Variants in ATXN3 observed in about 807,000 individuals in gnomAD.
ATXN3 encodes ataxin-3.
Under a neutral mutation model 58.2 loss-of-function variants are expected in ATXN3, and 28 were observed. The observed-to-expected ratio is 0.48, with a 90% confidence interval of 0.36 to 0.66. ATXN3 has a LOEUF of 0.66. ATXN3 is among the 30% of genes least tolerant of loss of function. ATXN3 has a pLI of 0.00. For missense variants in ATXN3, 321 were observed against 422.1 expected (o/e 0.76, Z 2.10); for synonymous variants, 113 against 138.5 (o/e 0.82, Z 1.29).
upstream of ATXN3, among the ~76,000 whole-genome samples, chr14:92,051,699 TC>T (rs1254006590): frequency 6.8e-6 from 1 of 148,086 alleles, no homozygotes; most frequent in Non-Finnish European, 1.5e-5. Flanking sequence ...GTTTCTTTTT[TC>T]TTTTCTTCTT....
rs144194306 is a variant in ATXN3 at position 92,088,260 on chromosome 14, C to G, written c.475+470G>C. ...AATTTTTTGTTATTTTTAGTAGAGA[C>G]AGGATTTCACCGTGTTAGCCAGGAT... On this transcript the variant is annotated intron_variant, in intron 6 of 10. Coordinates refer to ENST00000644486, the MANE Select transcript of ATXN3 (RefSeq NM_004993.6). Among the ~76,000 whole-genome samples the G allele has an allele frequency of 1.5e-3, 231 of 152,108 alleles. 1 individual carries two copies. The highest frequency in any genetic ancestry group is 2.1e-3 in the South Asian group (10 of 4,816).
intron 10 of ATXN3, among the ~76,000 whole-genome samples, 154 bp from the exon 11 acceptor site, chr14:92,064,568 ATATTT>A (rs1328316170): frequency 6.6e-6 from 1 of 152,200 alleles, no homozygotes; most frequent in African/African-American, 2.4e-5. Context: ...ATAGTTCTAT[ATATTT>A]TGACAAATAC....
chr14:92,100,301 A>G (rs1307532480), intron 1 of ATXN3, among the ~76,000 whole-genome samples: 1 of 152,224 alleles, frequency 6.6e-6, no homozygotes, highest in Non-Finnish European at 1.5e-5. Flanking sequence ...GCAAACATAC[A>G]TTCATCAAAA....
At chr14:92,076,868 A>T (rs1285542395) in intron 9 of ATXN3, among the ~76,000 whole-genome samples, 1 of 139,072 alleles carries the variant, frequency 7.2e-6, no homozygotes, top group African/African-American at 2.8e-5. Flanking sequence ...TAAACTCAGG[A>T]GGCGGAGGTT....
chr14:92,083,207 T>C lies in ATXN3; in HGVS notation c.527A>G (p.Gln176Arg), dbSNP rs2061779224. The C allele has an allele frequency of 1.2e-6, 2 of 1,613,788 alleles. No homozygotes were observed. Among genetic ancestry groups the C allele is most frequent in the Admixed American group, 1.7e-5 (1 of 59,942 alleles). Residue 176 changes from glutamine (Q) to arginine (R), a missense_variant, in exon 7 of 11, where the codon CAA becomes CGA. Around this residue, in one of 2 missense-constraint regions of ATXN3, gnomAD observed 200 missense variants for 223.2 expected, o/e 0.90. Coordinates refer to ENST00000644486, the MANE Select transcript of ATXN3 (RefSeq NM_004993.6). The part of the protein sequence containing the change: ...KGDLPDCEAD[Q>R]LLQMIRVQQM... The stretch of plus-strand genomic sequence containing the variant: ...TTGGACCCTAATCATCTGCAGGAGT[T>C]GGTCAGCTTCGCAATCTGGCAGATC...
chr14:92,105,925 G>A lies in ATXN3; in HGVS notation c.24+604C>T, dbSNP rs188901502. 5.9e-5 allele frequency among the ~76,000 whole-genome samples: 9 copies of A among 152,296 alleles called. No individual in the cohort carries two copies. The East Asian group carries it at 1.7e-3, about 29-fold the overall frequency. ...TCTTGTGACGACTTCCCTGTTTAGG[G>A]GCACGCCGGGTTTCCTACTTCACTT... On this transcript the variant is annotated intron_variant, in intron 1 of 10. Coordinates refer to ENST00000644486, the MANE Select transcript of ATXN3 (RefSeq NM_004993.6).
intron 10 of ATXN3, among the ~76,000 whole-genome samples, chr14:92,068,370 T>C (rs2058810871): frequency 6.6e-6 from 1 of 152,202 alleles, no homozygotes; most frequent in Non-Finnish European, 1.5e-5. Flanking sequence ...CAAGTGCTTA[T>C]TATCTAAAGG....
chr14:92,068,824 AGGTGATCCACCC>A (rs2058899963), intron 10 of ATXN3, among the ~76,000 whole-genome samples: 1 of 152,140 alleles, frequency 6.6e-6, no homozygotes, highest in Non-Finnish European at 1.5e-5. Context: ...TCCCAACCTT[AGGTGATCCACCC>A]GCCTCAGCCT....
intron 1 of ATXN3, among the ~76,000 whole-genome samples, chr14:92,105,134 A>G (rs1190176636): frequency 6.6e-6 from 1 of 152,022 alleles, no homozygotes; most frequent in African/African-American, 2.4e-5. Flanking sequence ...TGTACTTAAC[A>G]ATTTGTTCCA....
chr14:92,075,122 T>TA (rs2060111271), intron 9 of ATXN3, among the ~76,000 whole-genome samples: 1 of 151,592 alleles, frequency 6.6e-6, no homozygotes, highest in Admixed American at 6.6e-5. Context: ...AAATATTATT[T>TA]AATGACTCAT....
In ATXN3 at chr14:92,060,271, T is replaced by TATATATA. The variant is rs397970086; in HGVS notation, c.*4048_*4049insTATATAT. 1.2e-5 allele frequency: 1 copy of TATATATA among 86,570 alleles called. No individual in the cohort carries two copies. Among genetic ancestry groups the TATATATA allele is most frequent in the African/African-American group, 5.0e-5 (1 of 20,064 alleles). The allele number at this position is 86,570 out of a possible 1,614,324, so 5.4% of individuals were successfully genotyped here. ...ACACATATATATATATATATATATA[T>TATATATA]TTTTTTTTTTCAGAAACAGTGTCTC... On this transcript the variant is annotated 3_prime_UTR_variant, in exon 11 of 11. Transcript: ENST00000644486.
upstream of ATXN3, among the ~76,000 whole-genome samples, chr14:92,050,143 C>CT (rs113375315): frequency 6.8e-6 from 1 of 147,590 alleles, no homozygotes; most frequent in East Asian, 2.0e-4. Context: ...ACTTTGCTCT[C>CT]GTGTGTGTGT....
At chr14:92,089,913 A>G (rs1408143796) in intron 5 of ATXN3, among the ~76,000 whole-genome samples, 1 of 152,126 alleles carries the variant, frequency 6.6e-6, no homozygotes, top group African/African-American at 2.4e-5. Flanking sequence ...GAGAATTTAT[A>G]ATTACCAGCT....
rs1198822356 is a variant in ATXN3, at chr14:92,082,436, T to C, written c.639A>G (p.Leu213=). ...RVHKTDLERV[L]EANDGSGMLD... is the part of the protein sequence containing the mutation. Reference sequence around the variant, plus strand: ...ACATTCCTGAGCCATCATTTGCTTCTAACACTCGTTCCAGGTCTGTTTTAT... The same window carrying C: ...ACATTCCTGAGCCATCATTTGCTTCCAACACTCGTTCCAGGTCTGTTTTAT... Residue 213 remains leucine (L), a synonymous_variant, in exon 8 of 11, where the codon TTA becomes TTG. Coordinates refer to ENST00000644486, the MANE Select transcript of ATXN3 (RefSeq NM_004993.6). 12 of 1,614,034 alleles carry C rather than the reference T, an allele frequency of 7.4e-6. No individual in the cohort carries two copies. In the South Asian group the frequency reaches 1.2e-4, roughly 16 times the overall value.
intron 5 of ATXN3, among the ~76,000 whole-genome samples, chr14:92,091,541 A>G (rs946486601): frequency 6.6e-6 from 1 of 152,148 alleles, no homozygotes; most frequent in Non-Finnish European, 1.5e-5. Context: ...CTTAAAAGAT[A>G]ACAATAGGGT....
chr14:92,103,565 CT>C (rs1460878339), intron 1 of ATXN3, among the ~76,000 whole-genome samples: 1 of 152,096 alleles, frequency 6.6e-6, no homozygotes, highest in Non-Finnish European at 1.5e-5. Context: ...CCTCCCAAGT[CT>C]ACAGGCATGT....
intron 9 of ATXN3, among the ~76,000 whole-genome samples, chr14:92,072,897 C>A (rs1422305608): frequency 6.6e-6 from 1 of 152,176 alleles, no homozygotes; most frequent in South Asian, 2.1e-4. Flanking sequence ...GAAAGTTCAA[C>A]TAATGAGAAC....
chr14:92,068,656 T>C (rs1270212887), intron 10 of ATXN3, among the ~76,000 whole-genome samples: 1 of 152,068 alleles, frequency 6.6e-6, no homozygotes, highest in Non-Finnish European at 1.5e-5. Flanking sequence ...AATGGTGCAA[T>C]CTCAGCTTAC....
chr14:92,081,572 G>A (rs1473345569), intron 8 of ATXN3, among the ~76,000 whole-genome samples: 3 of 151,320 alleles, frequency 2.0e-5, no homozygotes, highest in African/African-American at 7.3e-5. Context: ...AAATGGGATT[G>A]CACACCATAT....
Sources: gnomAD v4.1 joint callset for allele counts (sites outside exome capture counted in the v4.1 genomes callset) on GRCh38, gnomAD v4.1.1 for gene constraint, gnomAD v4.1.1 regional missense constraint, MANE v1.5 for transcripts, NCBI Gene and HGNC (gene_info 2026-07-23, HGNC 2026-07-21) for gene names.